The following GALNT13 variants were observed in gnomAD, a reference collection of about 807,000 sequenced individuals.
GALNT13 encodes polypeptide N-acetylgalactosaminyltransferase 13.
In GALNT13, 28 loss-of-function variants were observed where a neutral mutation model predicts 64.2. The observed-to-expected ratio is 0.44, with a 90% CI of 0.32 to 0.60. The LOEUF (loss-of-function observed/expected upper bound fraction) is 0.60. GALNT13 is among the 20% of genes least tolerant of loss of function. The pLI, the probability that GALNT13 is intolerant of heterozygous loss-of-function variation, is 0.05. For synonymous variants in GALNT13, 214 were observed against 224.6 expected (o/e 0.95, Z 0.42); for missense variants, 577 against 669.8 (o/e 0.86, Z 1.53).
chr2:153,263,622 C>T, the GALNT13 span, among the ~76,000 whole-genome samples: 218 of 152,106 alleles, frequency 1.4e-3, no homozygotes, highest in African/African-American at 5.1e-3. Flanking sequence ...GAACAGAATA[C>T]AGAACTCAGA....
chr2:153,623,652 T>C, the GALNT13 span, among the ~76,000 whole-genome samples: 30 of 152,120 alleles, frequency 2.0e-4, no homozygotes, highest in Non-Finnish European at 3.4e-4. Flanking sequence ...TATGGGACTA[T>C]TGTGAAATAT....
intron 4 of GALNT13, among the ~76,000 whole-genome samples, chr2:154,231,853 A>G (rs1688936501): frequency 6.6e-6 from 1 of 151,446 alleles, no homozygotes; most frequent in Non-Finnish European, 1.5e-5. Context: ...TAGATTTTTA[A>G]AAATTCAAAT....
At chr2:153,246,873 ACCC>A in the GALNT13 span, among the ~76,000 whole-genome samples, 35 of 152,190 alleles carry the variant, frequency 2.3e-4, no homozygotes, top group African/African-American at 8.4e-4. Context: ...AAGTGTCAAG[ACCC>A]ATCACGGTGC....
the GALNT13 span, among the ~76,000 whole-genome samples, chr2:153,334,971 T>A: frequency 6.6e-6 from 1 of 152,150 alleles, no homozygotes; most frequent in Middle Eastern, 3.2e-3. Flanking sequence ...AATTGAATCA[T>A]GGGGGCCAGT....
chr2:153,155,422 G>C, the GALNT13 span, among the ~76,000 whole-genome samples: 15 of 152,094 alleles, frequency 9.9e-5, no homozygotes, highest in African/African-American at 3.6e-4. Context: ...TCTGTTCAGG[G>C]ATTCAATTTC....
At chr2:153,673,015 T>G in the GALNT13 span, among the ~76,000 whole-genome samples, 1 of 152,066 alleles carries the variant, frequency 6.6e-6, no homozygotes, top group Non-Finnish European at 1.5e-5. Flanking sequence ...CAGGAAGAAG[T>G]TGAATCTCTG....
chr2:154,234,913 G>T (rs1348804454), intron 4 of GALNT13, among the ~76,000 whole-genome samples: 1 of 152,118 alleles, frequency 6.6e-6, no homozygotes, highest in Non-Finnish European at 1.5e-5. Flanking sequence ...TATTGTGAAA[G>T]AGTATAAAAA....
the GALNT13 span, among the ~76,000 whole-genome samples, chr2:153,407,610 C>G: frequency 3.9e-5 from 6 of 152,302 alleles, no homozygotes; most frequent in Middle Eastern, 3.4e-3. Context: ...GTCTGCAGCT[C>G]TCACCCGAGC....
chr2:153,293,838 C>G, the GALNT13 span, among the ~76,000 whole-genome samples: 207 of 151,440 alleles, frequency 1.4e-3, no homozygotes, highest in Middle Eastern at 0.014. Flanking sequence ...TGTATCTAGG[C>G]TGAAGTGCAA....
chr2:153,442,561 G>T, the GALNT13 span, among the ~76,000 whole-genome samples: 1 of 152,150 alleles, frequency 6.6e-6, no homozygotes, highest in Non-Finnish European at 1.5e-5. Context: ...ATTCGGCTGT[G>T]AATCTATCTG....
At chr2:153,400,397 G>A in the GALNT13 span, among the ~76,000 whole-genome samples, 1,903 of 152,086 alleles carry the variant, frequency 0.013, 51 homozygotes, top group African/African-American at 0.044. Context: ...TTTTTTTGTT[G>A]TGCCTTTGCC....
chr2:153,507,191 C>T, the GALNT13 span, among the ~76,000 whole-genome samples: 2 of 152,050 alleles, frequency 1.3e-5, no homozygotes, highest in Non-Finnish European at 2.9e-5. Context: ...TTCTTGATTT[C>T]CAGAAGTTGT....
At chr2:153,703,560 C>T in the GALNT13 span, among the ~76,000 whole-genome samples, 3 of 152,130 alleles carry the variant, frequency 2.0e-5, no homozygotes, top group Admixed American at 1.3e-4. Context: ...CTTAGTACTT[C>T]CAAAGAGTTG....
chr2:154,156,992 T>G (rs1317774791), intron 4 of GALNT13, among the ~76,000 whole-genome samples: 1 of 152,188 alleles, frequency 6.6e-6, no homozygotes, highest in African/African-American at 2.4e-5. Flanking sequence ...GTTAAATACT[T>G]AAATCACTAC....
rs550795319 is a variant in GALNT13, at chr2:154,259,581, T to C, written c.975+443T>C. On this transcript the variant is annotated intron_variant, in intron 8 of 12. Coordinates refer to ENST00000392825, the MANE Select transcript of GALNT13 (RefSeq NM_052917.4). ...AATTTGGATAATTCTGCAAGTAGTG[T>C]GACCATTTTCACTAACATTATTGTT... Among the ~76,000 whole-genome samples the C allele has an allele frequency of 2.0e-3, 309 of 152,274 alleles. 1 individual carries two copies. Among genetic ancestry groups the C allele is most frequent in the African/African-American group, 6.5e-3 (269 of 41,586 alleles).
At chr2:153,991,842 T>A (rs1186001964) in intron 3 of GALNT13, among the ~76,000 whole-genome samples, 1 of 152,136 alleles carries the variant, frequency 6.6e-6, no homozygotes, top group Non-Finnish European at 1.5e-5. Context: ...ATTATCAGTG[T>A]TACTGGGCTG....
At chr2:154,449,426 CAAAAAAAAAAAAA>C (rs201483247) in intron 12 of GALNT13, among the ~76,000 whole-genome samples, 3 of 105,874 alleles carry the variant, frequency 2.8e-5, no homozygotes, top group Admixed American at 1.3e-4. Flanking sequence ...TATCATGAGC[CAAAAAAAAAAAAA>C]AAAAAAAAAA....
At chr2:153,475,828 A>C in the GALNT13 span, among the ~76,000 whole-genome samples, 1 of 152,188 alleles carries the variant, frequency 6.6e-6, no homozygotes, top group Non-Finnish European at 1.5e-5. Context: ...GCGTGAGTTA[A>C]ATTTTAAGTG....
At chr2:153,472,195 C>A in the GALNT13 span, among the ~76,000 whole-genome samples, 1 of 152,182 alleles carries the variant, frequency 6.6e-6, no homozygotes, top group South Asian at 2.1e-4. Context: ...GGCAGTATAT[C>A]TTTAGATGTG....
Sources: allele counts gnomAD v4.1 joint callset (sites outside exome capture counted in the v4.1 genomes callset), GRCh38; gene constraint gnomAD v4.1.1; transcripts MANE v1.5; gene names NCBI Gene and HGNC (gene_info 2026-07-23, HGNC 2026-07-21).